NECAB2: variants seen among roughly 807,000 people sequenced by gnomAD.
NECAB2 encodes the protein N-terminal EF-hand calcium-binding protein 2.
NECAB2 carries 68 observed loss-of-function variants against 51.9 expected under a neutral mutation model. That is an observed-to-expected ratio of 1.31 (90% CI 1.08 to 1.60). NECAB2 has a LOEUF of 1.60. Among genes scored for constraint, NECAB2 ranks in the 40% most tolerant of loss-of-function variants. The pLI is 0.00. For missense variants in NECAB2, 854 were observed against 490.3 expected (o/e 1.74, Z -7.00); for synonymous variants, 329 against 203.5 (o/e 1.62, Z -5.25).
At chr16:83,998,156 G>A (rs2084745827) in intron 9 of NECAB2, 49 bp from the exon 10 acceptor site, 1 of 1,563,192 alleles carries the variant, frequency 6.4e-7, no homozygotes, top group East Asian at 2.3e-5. Flanking sequence ...GGTGTTTAGG[G>A]AGAAGGCCTG....
Position 83,978,523 on chromosome 16 carries a change from C to G in NECAB2, c.306C>G (p.Leu102=), listed in dbSNP as rs2084445082. The G allele has an allele frequency of 1.2e-6, 2 of 1,613,656 alleles. No homozygotes were observed. The highest frequency in any genetic ancestry group is 2.2e-5 in the East Asian group (1 of 44,870). ...TTAATGAGAAAGAACTGGAGGATCT[C>G]TTTCACACGATTGACTCTGACAACA... is the stretch of plus-strand genomic sequence containing the variant. The part of the protein sequence containing the change: ...GVLNEKELED[L]FHTIDSDNTN... The change falls in exon 3 of 13, where the codon CTC becomes CTG. Residue 102 remains leucine (L), a synonymous_variant. Coordinates refer to ENST00000305202, the MANE Select transcript of NECAB2 (RefSeq NM_019065.3).
In NECAB2 at chr16:84,002,405, C is replaced by G. The variant is rs1352322368; in HGVS notation, c.*59C>G. 7 of 1,552,604 alleles carry G rather than the reference C, an allele frequency of 4.5e-6. No individual in the cohort carries two copies. The highest frequency in any genetic ancestry group is 5.2e-6 in the Non-Finnish European group (6 of 1,144,054). ...GCCCCTTCTTCTTGTGAAGGAAATC[C>G]CGTTTTTTTCTAGACAGACACTTTG... is the stretch of plus-strand genomic sequence containing the variant. On this transcript the variant is annotated 3_prime_UTR_variant, in exon 13 of 13. Coordinates refer to ENST00000305202, the MANE Select transcript of NECAB2 (RefSeq NM_019065.3).
At chr16:83,977,909 G>A (rs192730677) in intron 2 of NECAB2, among the ~76,000 whole-genome samples, 1 of 152,304 alleles carries the variant, frequency 6.6e-6, no homozygotes, top group East Asian at 1.9e-4. Context: ...AGACCACTTG[G>A]CGTTTGGAAG....
intron 9 of NECAB2, among the ~76,000 whole-genome samples, chr16:83,998,002 G>A (rs1429949211): frequency 1.3e-5 from 2 of 152,134 alleles, no homozygotes; most frequent in East Asian, 1.9e-4. Flanking sequence ...ATTTTTGGGG[G>A]CTACTTCTGC....
chr16:83,971,017 C>T lies in NECAB2; in HGVS notation c.202-1134C>T, dbSNP rs150029274. On this transcript the variant is annotated intron_variant, in intron 1 of 12. Coordinates refer to ENST00000305202, the MANE Select transcript of NECAB2 (RefSeq NM_019065.3). Reference sequence around the variant, plus strand: ...GCTGATACAGGAGAATTGCTTGAACCCGGGAGGCAGAAGTTGCAGTGAGCC... The same window carrying T: ...GCTGATACAGGAGAATTGCTTGAACTCGGGAGGCAGAAGTTGCAGTGAGCC... Among the ~76,000 whole-genome samples the T allele has an allele frequency of 4.5e-3, 680 of 152,158 alleles. 4 individuals carry two copies. Among genetic ancestry groups the T allele is most frequent in the African/African-American group, 0.015 (641 of 41,502 alleles).
chr16:83,990,429 T>G, intron 5 of NECAB2, 65 bp from the exon 6 acceptor site: 3 of 1,589,576 alleles, frequency 1.9e-6, no homozygotes, highest in South Asian at 1.1e-5. Context: ...ACTCCTGTGC[T>G]AGACCCCACC....
chr16:83,991,219 G>A (rs530032415), intron 6 of NECAB2, among the ~76,000 whole-genome samples: 110 of 151,766 alleles, frequency 7.2e-4, no homozygotes, highest in African/African-American at 1.9e-3. Flanking sequence ...CTGGCCTCAC[G>A]TGATCCACCT....
chr16:83,988,597 C>G (rs1167748283), intron 5 of NECAB2, among the ~76,000 whole-genome samples: 1 of 152,186 alleles, frequency 6.6e-6, no homozygotes, highest in Non-Finnish European at 1.5e-5. Flanking sequence ...CTTGTCATAA[C>G]TTCCCCATAT....
upstream of NECAB2, chr16:83,966,089 G>T (rs1377775586): frequency 1.8e-4 from 211 of 1,184,280 alleles, no homozygotes; most frequent in Non-Finnish European, 2.3e-4. Flanking sequence ...CCCGTCCAAA[G>T]ATGCCCCGGG....
At chr16:83,968,895 C>G in intron 1 of NECAB2, 46 bp downstream of exon 1, 1 of 1,059,944 alleles carries the variant, frequency 9.4e-7, no homozygotes, top group Non-Finnish European at 1.1e-6. Flanking sequence ...TCCGCTGGGA[C>G]CCGGAGCCCC....
rs1004824294 is a variant in NECAB2, at chr16:84,001,759, A to T, written c.1041-66A>T. 48 of 1,557,530 alleles carry T rather than the reference A, an allele frequency of 3.1e-5. No homozygotes were observed. In the South Asian group the frequency reaches 5.1e-4, roughly 17 times the overall value. ...CCATTTTGGGCTAGAGCTAGGATTAACAGGGGAGCCACACGCGGAGCTCCA... is the reference window on the plus strand; with the variant it reads ...CCATTTTGGGCTAGAGCTAGGATTATCAGGGGAGCCACACGCGGAGCTCCA... On this transcript the variant is annotated intron_variant, in intron 11 of 12. Transcript: ENST00000305202.
chr16:83,981,104 A>G lies in NECAB2; in HGVS notation c.436A>G (p.Lys146Glu), dbSNP rs2084483035. 1 of 1,614,112 alleles carries G rather than the reference A, an allele frequency of 6.2e-7. No homozygotes were observed. Residue 146 changes from lysine to glutamate, a missense_variant, in exon 5 of 13, where the codon AAG (lysine) becomes GAG (glutamate). Lys to Glu is a moderately conservative substitution (Grantham distance 56). Transcript: ENST00000305202. ...GGAGACCTTGAATCACTCTGTCCTG[A>G]AGGCCATGGGTTATACCAAGAAGGT... ...SLETLNHSVL[K>E]AMGYTKKVYE... is the part of the protein sequence containing the mutation.
rs1264830053 is a variant in NECAB2 at position 84,000,857 on chromosome 16, G to A, written c.1040+56G>A. On this transcript the variant is annotated intron_variant, in intron 11 of 12. Transcript: ENST00000305202. ...GGAGACAGAGGGAAGTGGGGGGGCT[G>A]TCTTCCTGGAGCCAGGCATCCTTGG... is the stretch of plus-strand genomic sequence containing the variant. The A allele has an allele frequency of 6.4e-6, 10 of 1,567,068 alleles. No individual in the cohort carries two copies. The East Asian group carries it at 6.7e-5, about 11-fold the overall frequency.
rs143284342 is a variant in NECAB2, at chr16:83,994,331, C to T, written c.626C>T (p.Ala209Val). 128 of 1,614,186 alleles carry T rather than the reference C, an allele frequency of 7.9e-5. No homozygotes were observed. The highest frequency in any genetic ancestry group is 7.7e-4 in the African/African-American group (58 of 75,036). The stretch of plus-strand genomic sequence containing the variant: ...AACCACATCAAACCCAGCCACAGCG[C>T]GGCACAGACCTGGTGTGGAAGCCCC... ...RQNHIKPSHS[A>V]AQTWCGSPTP... is the part of the protein sequence containing the mutation. Residue 209 changes from alanine (A) to valine (V), a missense_variant, in exon 7 of 13, where the codon GCG becomes GTG. By Grantham distance (64) the Ala-to-Val change is moderately conservative. Transcript: ENST00000305202.
chr16:83,997,108 G>T lies in NECAB2; in HGVS notation c.796-108G>T, dbSNP rs1408672210. On this transcript the variant is annotated intron_variant, in intron 8 of 12. Coordinates refer to ENST00000305202, the MANE Select transcript of NECAB2 (RefSeq NM_019065.3). ...TGGTCTCCCAGCCCTGTGCAACAGG[G>T]CCGGGTCCTTGGGAGCTCCCAACAG... The T allele has an allele frequency of 3.8e-6, 5 of 1,328,366 alleles. No homozygotes were observed. The East Asian group carries it at 6.9e-5, about 18-fold the overall frequency. 82.3% of individuals were successfully genotyped at this position (1,328,366 alleles called of 1,614,324 possible). A position where few individuals can be genotyped will look rare whatever the true frequency, so the allele number is the denominator to read the frequency against.
chr16:83,994,246 G>T, intron 6 of NECAB2, 56 bp from the exon 7 acceptor site: 6 of 1,504,090 alleles, frequency 4.0e-6, no homozygotes, highest in South Asian at 1.1e-5. Context: ...TGCTGGAAGT[G>T]GTAAGGGCCC....
At chr16:83,995,821 G>C (rs1408756648) in intron 8 of NECAB2, among the ~76,000 whole-genome samples, 1 of 152,240 alleles carries the variant, frequency 6.6e-6, no homozygotes, top group African/African-American at 2.4e-5. Context: ...ATGAGGCTGA[G>C]GTGGAGTTAC....
At chr16:83,969,502 T>A (rs891354814) in intron 1 of NECAB2, among the ~76,000 whole-genome samples, 30 of 150,186 alleles carry the variant, frequency 2.0e-4, no homozygotes, top group African/African-American at 7.4e-4. Context: ...CCAAGTCCTC[T>A]GTTCCCTTCC....
At chr16:83,975,621 G>A (rs551700753) in intron 2 of NECAB2, among the ~76,000 whole-genome samples, 28 of 152,254 alleles carry the variant, frequency 1.8e-4, no homozygotes, top group Non-Finnish European at 3.4e-4. Context: ...GCTGGATACC[G>A]GATGCCCAGT....
Sources: allele counts gnomAD v4.1 joint callset (sites outside exome capture counted in the v4.1 genomes callset), GRCh38; gene constraint gnomAD v4.1.1; transcripts MANE v1.5; gene names NCBI Gene and HGNC (gene_info 2026-07-23, HGNC 2026-07-21).